The following CADPS variants were observed in gnomAD, a reference collection of about 807,000 sequenced individuals.
The protein encoded by CADPS is calcium dependent secretion activator.
A neutral mutation model predicts 167.3 loss-of-function variants in CADPS; 57 were observed. The ratio of observed to expected loss-of-function variants is 0.34; its 90% CI spans 0.28 to 0.42. The LOEUF is 0.42. CADPS is among the 20% of genes least tolerant of loss of function. The probability of loss-of-function intolerance (pLI) is 1.00; values close to 1 mark genes in which losing one functional copy is unlikely to be tolerated. For synonymous variants in CADPS, 676 were observed against 635.3 expected, an observed-to-expected ratio of 1.06 and a Z score of -0.96; for missense variants, 1,414 against 1,738.1, an observed-to-expected ratio of 0.81 and a Z score of 3.32.
At chr3:62,789,896 CT>C (rs2092784028) in intron 1 of CADPS, among the ~76,000 whole-genome samples, 1 of 152,050 alleles carries the variant, frequency 6.6e-6, no homozygotes, top group African/African-American at 2.4e-5. Flanking sequence ...CTTCAACAAA[CT>C]TTTATTGAGG....
intron 5 of CADPS, among the ~76,000 whole-genome samples, chr3:62,646,410 A>G (rs2068601387): frequency 6.6e-6 from 1 of 151,684 alleles, no homozygotes; most frequent in Non-Finnish European, 1.5e-5. Flanking sequence ...GACCTCAGGC[A>G]CTACGCCCGC....
At chr3:62,581,196 A>G (rs1033533284) in intron 8 of CADPS, among the ~76,000 whole-genome samples, 4 of 152,188 alleles carry the variant, frequency 2.6e-5, no homozygotes, top group Admixed American at 6.5e-5. Context: ...TAAGAATTAA[A>G]TAATATATAT....
intron 11 of CADPS, among the ~76,000 whole-genome samples, chr3:62,538,259 G>T (rs2152064476): frequency 6.6e-6 from 1 of 152,146 alleles, no homozygotes. Flanking sequence ...ACTTAGGATG[G>T]CCAGGAAGTT....
intron 7 of CADPS, among the ~76,000 whole-genome samples, chr3:62,588,922 T>C (rs1330562737): frequency 6.6e-6 from 1 of 152,202 alleles, no homozygotes. Context: ...TTATATACGC[T>C]ATGTTGGTAC....
intron 28 of CADPS, among the ~76,000 whole-genome samples, chr3:62,415,269 G>T (rs2049832682): frequency 6.6e-6 from 1 of 152,134 alleles, no homozygotes; most frequent in African/African-American, 2.4e-5. Flanking sequence ...GCGCTCGGTT[G>T]CTCGGTGGCT....
chr3:62,841,470 C>T (rs2076637678), intron 1 of CADPS, among the ~76,000 whole-genome samples: 1 of 152,156 alleles, frequency 6.6e-6, no homozygotes, highest in South Asian at 2.1e-4. Context: ...AATCCCAGCA[C>T]TTTGGGAGGC....
rs201755972 is a variant in CADPS at position 62,509,311 on chromosome 3, AG to A, written c.2599+3439del. Among the ~76,000 whole-genome samples the A allele has an allele frequency of 4.9e-3, 676 of 137,964 alleles. 22 individuals carry two copies. The highest frequency in any genetic ancestry group is 0.016 in the African/African-American group (586 of 36,946). The allele number at this position is 137,964 out of a possible 152,430, so 90.5% of individuals were successfully genotyped here. Reference sequence around the variant, plus strand: ...TGTCTCAAAAAAAAAAAAAAAAGAAAGAAAGAAAGAAAGAAATAAAAGAGAA... The same window carrying A: ...TGTCTCAAAAAAAAAAAAAAAAGAAAAAAGAAAGAAAGAAATAAAAGAGAA... On this transcript the variant is annotated intron_variant, in intron 17 of 29. Coordinates refer to ENST00000383710, the MANE Select transcript of CADPS (RefSeq NM_003716.4).
At chr3:62,653,941 G>A (rs901652400) in intron 4 of CADPS, among the ~76,000 whole-genome samples, 2 of 152,198 alleles carry the variant, frequency 1.3e-5, no homozygotes, top group Non-Finnish European at 2.9e-5. Context: ...CGCTGTGCAT[G>A]AATGTGAGGG....
intron 9 of CADPS, among the ~76,000 whole-genome samples, chr3:62,564,340 C>A (rs560561981): frequency 6.6e-6 from 1 of 152,242 alleles, no homozygotes; most frequent in Admixed American, 6.5e-5. Context: ...AAGCCATTGA[C>A]CTTGGGCAGG....
intron 12 of CADPS, among the ~76,000 whole-genome samples, chr3:62,533,292 G>A (rs140967881): frequency 2.0e-5 from 3 of 152,244 alleles, no homozygotes; most frequent in East Asian, 3.9e-4. Flanking sequence ...TTGAGTTCAA[G>A]AAGGGCATAA....
intron 28 of CADPS, among the ~76,000 whole-genome samples, chr3:62,431,879 T>G (rs1435087161): frequency 1.3e-5 from 2 of 150,594 alleles, no homozygotes; most frequent in African/African-American, 4.9e-5. Flanking sequence ...TATATAATTA[T>G]ATAGAAAAAG....
At chr3:62,706,444 G>A (rs2082316762) in intron 3 of CADPS, among the ~76,000 whole-genome samples, 1 of 152,068 alleles carries the variant, frequency 6.6e-6, no homozygotes, top group Admixed American at 6.5e-5. Context: ...CTTGAAATAG[G>A]AGAGAAAAGA....
At chr3:62,708,163 A>T (rs1246148559) in intron 3 of CADPS, among the ~76,000 whole-genome samples, 1 of 151,870 alleles carries the variant, frequency 6.6e-6, no homozygotes, top group Non-Finnish European at 1.5e-5. Context: ...AGCTCAAGTG[A>T]TCTGCTTGCC....
In CADPS at chr3:62,407,253, T is replaced by C. The variant is rs865953777; in HGVS notation, c.3778-4068A>G. Among the ~76,000 whole-genome samples the C allele has an allele frequency of 2.6e-5, 4 of 152,120 alleles. No individual in the cohort carries two copies. In the South Asian group the frequency reaches 8.3e-4, roughly 32 times the overall value. ...TGGAACACGTTACCAGGGAAAGTCA[T>C]GTGGTGGTGAAGAAAATTATTCCCA... is the stretch of plus-strand genomic sequence containing the variant. On this transcript the variant is annotated intron_variant, in intron 28 of 29. Transcript: ENST00000383710.
intron 9 of CADPS, among the ~76,000 whole-genome samples, chr3:62,568,720 C>G (rs1437313156): frequency 6.6e-6 from 1 of 152,116 alleles, no homozygotes. Flanking sequence ...TAATAAATGC[C>G]CTTTCTTATA....
chr3:62,702,655 G>A (rs4688137), intron 3 of CADPS, among the ~76,000 whole-genome samples: 24,233 of 152,084 alleles, frequency 0.16, 2,106 homozygotes, highest in South Asian at 0.25. Flanking sequence ...TCTCTGTCCA[G>A]TAGAACTTTC....
intron 3 of CADPS, among the ~76,000 whole-genome samples, chr3:62,733,751 T>A (rs1481358488): frequency 6.6e-6 from 1 of 151,570 alleles, no homozygotes; most frequent in African/African-American, 2.4e-5. Context: ...CGTGGATAAG[T>A]CCTTTAGTGG....
At chr3:62,857,994 C>T (rs1236592657) in intron 1 of CADPS, among the ~76,000 whole-genome samples, 2 of 152,042 alleles carry the variant, frequency 1.3e-5, no homozygotes, top group African/African-American at 4.8e-5. Context: ...ATATGATTTC[C>T]ACTTTTGTCT....
intron 13 of CADPS, among the ~76,000 whole-genome samples, chr3:62,528,118 C>T (rs916660943): frequency 6.6e-6 from 1 of 151,996 alleles, no homozygotes; most frequent in Non-Finnish European, 1.5e-5. Flanking sequence ...ACTGCTGTAG[C>T]ATCTCACCTG....
Sources: allele counts gnomAD v4.1 joint callset (sites outside exome capture counted in the v4.1 genomes callset), GRCh38; gene constraint gnomAD v4.1.1; transcripts MANE v1.5; gene names NCBI Gene and HGNC (gene_info 2026-07-23, HGNC 2026-07-21).